IMMP2L: variants seen among roughly 807,000 people sequenced by gnomAD.
IMMP2L encodes mitochondrial inner membrane protease subunit 2.
A neutral mutation model predicts 19.3 loss-of-function variants in IMMP2L; 18 were observed. That is an observed-to-expected ratio of 0.93 (90% CI 0.64 to 1.38). The LOEUF (loss-of-function observed/expected upper bound fraction) is 1.38. Ranked by LOEUF, IMMP2L falls within the 40% of genes most tolerant of loss-of-function variation. The pLI, the probability that IMMP2L is intolerant of heterozygous loss-of-function variation, is 0.00. For missense variants in IMMP2L, 233 were observed against 218.2 expected (o/e 1.07, Z -0.43); for synonymous variants, 76 against 73.0 (o/e 1.04, Z -0.21).
intron 5 of IMMP2L, among the ~76,000 whole-genome samples, chr7:110,796,068 A>C (rs1002810485): frequency 2.6e-5 from 4 of 152,020 alleles, no homozygotes; most frequent in Non-Finnish European, 5.9e-5. Flanking sequence ...TGGTTTTATA[A>C]GGGGCCTTCC....
At chr7:111,159,003 C>G (rs1056481706) in intron 3 of IMMP2L, among the ~76,000 whole-genome samples, 1 of 152,100 alleles carries the variant, frequency 6.6e-6, no homozygotes, top group Non-Finnish European at 1.5e-5. Context: ...TCATAATGTA[C>G]CTTTAGAAGT....
At chr7:111,041,663 C>G (rs1040876554) in intron 3 of IMMP2L, among the ~76,000 whole-genome samples, 2 of 151,874 alleles carry the variant, frequency 1.3e-5, no homozygotes, top group Non-Finnish European at 2.9e-5. Flanking sequence ...TGAGAATCTC[C>G]TTTCCTTTTC....
At chr7:111,114,203 T>C (rs991185017) in intron 3 of IMMP2L, among the ~76,000 whole-genome samples, 7 of 151,992 alleles carry the variant, frequency 4.6e-5, no homozygotes, top group African/African-American at 9.7e-5. Flanking sequence ...CAAGTGTATA[T>C]AAATTACTCC....
chr7:111,137,081 G>A (rs1802417381), intron 3 of IMMP2L, among the ~76,000 whole-genome samples: 3 of 152,062 alleles, frequency 2.0e-5, no homozygotes, highest in Admixed American at 2.0e-4. Flanking sequence ...CATAAATCTA[G>A]AGGCTAACGA....
intron 3 of IMMP2L, among the ~76,000 whole-genome samples, chr7:111,371,588 G>A (rs1405988360): frequency 6.6e-6 from 1 of 152,050 alleles, no homozygotes; most frequent in Non-Finnish European, 1.5e-5. Flanking sequence ...AGTACTTTCT[G>A]TGGACTGTTC....
chr7:111,489,036 CTTTTT>C (rs35930780), intron 2 of IMMP2L, among the ~76,000 whole-genome samples: 26 of 87,142 alleles, frequency 3.0e-4, no homozygotes, highest in Non-Finnish European at 6.3e-5. Context: ...CCTCAATCCA[CTTTTT>C]TTTTTTTTTT....
At chr7:111,214,328 CTTCTTTTTTTTTT>C (rs1224827773) in intron 3 of IMMP2L, among the ~76,000 whole-genome samples, 3 of 85,110 alleles carry the variant, frequency 3.5e-5, no homozygotes, top group Admixed American at 1.3e-4. Context: ...AGTAATTTTT[CTTCTTTTTTTTTT>C]TTTTTTTTTT....
intron 1 of IMMP2L, among the ~76,000 whole-genome samples, chr7:111,549,234 C>T (rs1377027018): frequency 1.3e-5 from 2 of 152,134 alleles, no homozygotes; most frequent in African/African-American, 2.4e-5. Flanking sequence ...AAGTCTGACT[C>T]ATTAACCGAA....
At chr7:111,530,509 T>C (rs2132791924) in intron 1 of IMMP2L, among the ~76,000 whole-genome samples, 1 of 152,276 alleles carries the variant, frequency 6.6e-6, no homozygotes, top group Non-Finnish European at 1.5e-5. Flanking sequence ...TATTAACCAG[T>C]TAACAAGAAT....
At chr7:110,688,114 G>T (rs945675526) in intron 5 of IMMP2L, among the ~76,000 whole-genome samples, 1 of 152,030 alleles carries the variant, frequency 6.6e-6, no homozygotes, top group Non-Finnish European at 1.5e-5. Context: ...TCTGAGTGAA[G>T]AAGCCATGTT....
intron 3 of IMMP2L, among the ~76,000 whole-genome samples, chr7:111,198,734 C>T (rs1008111431): frequency 1.3e-5 from 2 of 152,086 alleles, no homozygotes; most frequent in African/African-American, 4.8e-5. Flanking sequence ...TTTCCCAATT[C>T]TCCTCTGTTA....
intron 2 of IMMP2L, among the ~76,000 whole-genome samples, chr7:111,499,672 A>T (rs1034203735): frequency 6.6e-6 from 1 of 152,192 alleles, no homozygotes; most frequent in African/African-American, 2.4e-5. Flanking sequence ...ATCCAGCAGC[A>T]TGTGTTGTCA....
intron 5 of IMMP2L, among the ~76,000 whole-genome samples, chr7:110,754,112 T>G (rs1050309863): frequency 6.6e-6 from 1 of 151,974 alleles, no homozygotes. Flanking sequence ...CATCAAATAA[T>G]CTATCTATTT....
intron 3 of IMMP2L, among the ~76,000 whole-genome samples, chr7:111,115,365 G>C (rs1246993961): frequency 6.6e-6 from 1 of 152,244 alleles, no homozygotes; most frequent in East Asian, 1.9e-4. Context: ...TGCTATTAAT[G>C]AAGTGCTCAG....
At position 111,431,175 on chromosome 7, in the gene IMMP2L, T is replaced by A. The variant is rs144854470; in HGVS notation, c.239+56063A>T. On this transcript the variant is annotated intron_variant, in intron 3 of 5. Transcript: ENST00000405709. ...AAAAGGTCTCCATCTCAGTAATAGG[T>A]ATCATACTTGCAGTACCTCCGTGGC... 2.2e-3 allele frequency among the ~76,000 whole-genome samples: 327 copies of A among 151,960 alleles called. 11 individuals carry two copies. Among genetic ancestry groups the A allele is most frequent in the African/African-American group, 7.6e-3 (312 of 41,270 alleles).
At chr7:110,998,941 A>C (rs1042590729) in intron 3 of IMMP2L, among the ~76,000 whole-genome samples, 1 of 152,164 alleles carries the variant, frequency 6.6e-6, no homozygotes, top group African/African-American at 2.4e-5. Context: ...ATTAGGAGAG[A>C]AATATTCTGA....
chr7:111,490,032 G>A (rs950903715), intron 2 of IMMP2L, among the ~76,000 whole-genome samples: 109 of 150,520 alleles, frequency 7.2e-4, no homozygotes, highest in African/African-American at 2.4e-3. Context: ...TCCTGATCTC[G>A]TGATCCGCCC....
intron 3 of IMMP2L, among the ~76,000 whole-genome samples, chr7:111,115,778 G>A (rs1390682888): frequency 6.6e-6 from 1 of 151,998 alleles, no homozygotes; most frequent in African/African-American, 2.4e-5. Context: ...AGCGATTCTC[G>A]TGCCTCAGCC....
At chr7:111,078,266 G>T (rs1795581134) in intron 3 of IMMP2L, among the ~76,000 whole-genome samples, 1 of 152,078 alleles carries the variant, frequency 6.6e-6, no homozygotes. Context: ...TGCTGGCAAG[G>T]GCATGATAGA....
Sources: gnomAD v4.1 joint callset for allele counts (sites outside exome capture counted in the v4.1 genomes callset) on GRCh38, gnomAD v4.1.1 for gene constraint, MANE v1.5 for transcripts, NCBI Gene and HGNC (gene_info 2026-07-23, HGNC 2026-07-21) for gene names.